SYNE2: variants seen among roughly 807,000 people sequenced by gnomAD.
SYNE2 encodes spectrin repeat containing nuclear envelope protein 2.
Under a neutral mutation model 856.3 loss-of-function variants are expected in SYNE2, and 431 were observed. The observed-to-expected ratio is 0.50, with a 90% confidence interval of 0.47 to 0.55. SYNE2 has a LOEUF of 0.55. Among genes scored for constraint, SYNE2 ranks in the 20% least tolerant of loss-of-function variants. SYNE2 has a pLI of 0.00. For missense variants in SYNE2, 8,129 were observed against 8,023.2 expected, an observed-to-expected ratio of 1.01 and a Z score of -0.50; for synonymous variants, 2,923 against 2,872.3, an observed-to-expected ratio of 1.02 and a Z score of -0.56.
intron 99 of SYNE2, among the ~76,000 whole-genome samples, chr14:64,199,713 CAAAAAAAA>C (rs34710996): frequency 6.1e-5 from 4 of 66,058 alleles, no homozygotes; most frequent in East Asian, 4.1e-4. Flanking sequence ...GACTCTGTCT[CAAAAAAAA>C]AAAAAAAAAA....
At chr14:63,917,798 A>T (rs2095549788) in intron 2 of SYNE2, among the ~76,000 whole-genome samples, 1 of 152,208 alleles carries the variant, frequency 6.6e-6, no homozygotes, top group East Asian at 1.9e-4. Flanking sequence ...AAAATATTCT[A>T]ATTAAATGAA....
chr14:63,839,057 G>A (rs1429480052), intron 1 of SYNE2, among the ~76,000 whole-genome samples: 1 of 151,292 alleles, frequency 6.6e-6, no homozygotes, highest in African/African-American at 2.4e-5. Flanking sequence ...TTTAGACGGG[G>A]TCTCATTCTG....
At position 64,132,328 on chromosome 14, in the gene SYNE2, CCTT is replaced by C. The variant is rs1326220376; in HGVS notation, c.14408_14410del (p.Ser4803del). The C allele has an allele frequency of 6.2e-7, 1 of 1,614,128 alleles. No homozygotes were observed. The highest frequency in any genetic ancestry group is 8.5e-7 in the Non-Finnish European group (1 of 1,180,034). On this transcript the variant is annotated inframe_deletion, in exon 77 of 116. Coordinates refer to ENST00000555002, the MANE Select transcript of SYNE2 (RefSeq NM_182914.3). ...CCAAGCATACTCTGCCAAAATACTT[CCTT>C]CTTTATTGCAAAACAGAGAGACATT...
intron 1 of SYNE2, among the ~76,000 whole-genome samples, chr14:63,790,939 T>C (rs1315997283): frequency 6.6e-6 from 1 of 151,916 alleles, no homozygotes; most frequent in Non-Finnish European, 1.5e-5. Context: ...CTGATTCCTA[T>C]GTCTGAAGAT....
intron 84 of SYNE2, among the ~76,000 whole-genome samples, chr14:64,151,027 A>G (rs534311941): frequency 6.6e-6 from 1 of 152,178 alleles, no homozygotes; most frequent in Non-Finnish European, 1.5e-5. Context: ...TACGCTATAT[A>G]TTCATGTGGC....
chr14:64,000,663 GGAAAGAGACACACTAAAGGAAAGA>G lies in SYNE2; in HGVS notation c.3591_3614del (p.Asp1197_Arg1204del). 6.2e-7 allele frequency: 1 copy of G among 1,613,382 alleles called. No individual in the cohort carries two copies. ...ACATAAAAAAGCCTTTTGTAATTAA[GGAAAGAGACACACTAAAGGAAAGA>G]GAAAGAGAGCTTCAGATGACTCTTA... On this transcript the variant is annotated inframe_deletion, in exon 28 of 116. Coordinates refer to ENST00000555002, the MANE Select transcript of SYNE2 (RefSeq NM_182914.3).
chr14:64,134,698 C>T (rs1231016908), intron 78 of SYNE2, among the ~76,000 whole-genome samples: 2 of 152,052 alleles, frequency 1.3e-5, no homozygotes, highest in African/African-American at 2.4e-5. Context: ...CATCTCAGGC[C>T]GGACACGATG....
chr14:64,093,935 C>A (rs2097653068), intron 61 of SYNE2, among the ~76,000 whole-genome samples: 1 of 152,172 alleles, frequency 6.6e-6, no homozygotes, highest in Non-Finnish European at 1.5e-5. Context: ...GCAGTGTAGG[C>A]AGGCTGGGCT....
chr14:63,979,041 G>A (rs1438696138), intron 14 of SYNE2, 27 bp downstream of exon 14: 2 of 1,610,892 alleles, frequency 1.2e-6, no homozygotes, highest in Non-Finnish European at 1.7e-6. Flanking sequence ...TGTGTCTTAG[G>A]CAACTCCTCC....
chr14:64,106,840 A>C (rs563780116), intron 64 of SYNE2, among the ~76,000 whole-genome samples: 2 of 152,288 alleles, frequency 1.3e-5, no homozygotes, highest in East Asian at 3.9e-4. Context: ...TACAATGAGA[A>C]TTTATTGTTA....
intron 98 of SYNE2, among the ~76,000 whole-genome samples, chr14:64,189,344 AAAG>A (rs1229442527): frequency 2.0e-5 from 3 of 151,464 alleles, no homozygotes; most frequent in Admixed American, 1.3e-4. Flanking sequence ...CAAAAAAAAA[AAAG>A]AAGCTCCCCT....
chr14:64,201,514 G>T (rs2098565670), intron 99 of SYNE2, among the ~76,000 whole-genome samples: 1 of 152,196 alleles, frequency 6.6e-6, no homozygotes, highest in South Asian at 2.1e-4. Flanking sequence ...GTTAGAGGCA[G>T]AGTGGCCCCT....
chr14:64,009,912 G>T, intron 31 of SYNE2, 54 bp from the exon 32 acceptor site: 4 of 1,508,234 alleles, frequency 2.7e-6, no homozygotes, highest in Non-Finnish European at 3.7e-6. Flanking sequence ...CAAAGAGAAA[G>T]AACGGTTTTG....
chr14:64,168,936 C>G lies in SYNE2; in HGVS notation c.16965C>G (p.Ser5655=). 2 of 1,614,052 alleles carry G rather than the reference C, an allele frequency of 1.2e-6. No homozygotes were observed. The highest frequency in any genetic ancestry group is 1.3e-5 in the African/African-American group (1 of 75,030). ...TTGCTGATTCCTATGTCACCCAGTC[C>G]TTACAACTCCTGGACACAACAGAAA... The part of the protein sequence containing the change: ...QTIADSYVTQ[S]LQLLDTTEIE... Residue 5655 remains serine, a synonymous_variant, in exon 93 of 116, where the codon TCC becomes TCG. Transcript: ENST00000555002.
At chr14:64,119,986 A>G (rs760956345) in intron 67 of SYNE2, among the ~76,000 whole-genome samples, 3 of 152,246 alleles carry the variant, frequency 2.0e-5, no homozygotes, top group Non-Finnish European at 4.4e-5. Context: ...AAAATTTGAC[A>G]TCAGAAACAT....
At chr14:64,072,131 C>T (rs759397347) in intron 52 of SYNE2, among the ~76,000 whole-genome samples, 2 of 152,194 alleles carry the variant, frequency 1.3e-5, no homozygotes, top group Non-Finnish European at 2.9e-5. Flanking sequence ...TTCATAACAA[C>T]ACTGCAGTGA....
At chr14:64,127,405 A>G (rs1191142638) in intron 73 of SYNE2, among the ~76,000 whole-genome samples, 1 of 152,152 alleles carries the variant, frequency 6.6e-6, no homozygotes, top group Admixed American at 6.5e-5. Context: ...ATCCCATCTC[A>G]AAAAAAGAAA....
chr14:64,103,923 C>T (rs1452661927), intron 64 of SYNE2, among the ~76,000 whole-genome samples: 1 of 152,250 alleles, frequency 6.6e-6, no homozygotes, highest in Non-Finnish European at 1.5e-5. Flanking sequence ...AAATTGCTGT[C>T]TCTTTCCCTG....
chr14:64,162,332 A>G lies in SYNE2; in HGVS notation c.16299+56A>G, dbSNP rs780577618. 36 of 1,564,382 alleles carry G rather than the reference A, an allele frequency of 2.3e-5. No homozygotes were observed. In the East Asian group the frequency reaches 7.6e-4, roughly 33 times the overall value. ...GCCAAGTCAGCCCAACAGATGGGGT[A>G]AGGGACAGCCATGACCTGGGGACCA... On this transcript the variant is annotated intron_variant, in intron 88 of 115. Coordinates refer to ENST00000555002, the MANE Select transcript of SYNE2 (RefSeq NM_182914.3).
Sources: gnomAD v4.1 joint callset for allele counts (sites outside exome capture counted in the v4.1 genomes callset) on GRCh38, gnomAD v4.1.1 for gene constraint, MANE v1.5 for transcripts, NCBI Gene and HGNC (gene_info 2026-07-23, HGNC 2026-07-21) for gene names.